The following MAGT1 variants were observed in gnomAD, a reference collection of about 807,000 sequenced individuals.
The protein encoded by MAGT1 is magnesium transporter 1, also known as dolichyl-diphosphooligosaccharide--protein glycosyltransferase subunit MAGT1.
A neutral mutation model predicts 28.4 loss-of-function variants in MAGT1; 4 were observed. The observed-to-expected ratio is 0.14, with a 90% CI of 0.07 to 0.32. The LOEUF is 0.32. Ranked by LOEUF, MAGT1 falls within the 10% of genes least tolerant of loss-of-function variation. MAGT1 has a pLI of 1.00. For synonymous variants in MAGT1, 89 were observed against 89.7 expected, an observed-to-expected ratio of 0.99 and a Z score of 0.04; for missense variants, 193 against 264.5, an observed-to-expected ratio of 0.73 and a Z score of 1.88.
intron 6 of MAGT1, among the ~76,000 whole-genome samples, chrX:77,854,943 G>A (rs1282932670): frequency 1.8e-5 from 2 of 111,929 alleles, no homozygotes; most frequent in African/African-American, 6.5e-5. Flanking sequence ...TTTAGTTGAA[G>A]GCTGTCTTTC....
In MAGT1 at chrX:77,853,814, CA is replaced by C. The variant is rs1305110117; in HGVS notation, c.826+86del. 4 of 760,322 alleles carry C rather than the reference CA, an allele frequency of 5.3e-6. No homozygotes were observed. The African/African-American group carries it at 8.3e-5, about 16-fold the overall frequency. 62.7% of individuals were successfully genotyped at this position (760,322 alleles called of 1,213,427 possible). On this transcript the variant is annotated intron_variant, in intron 7 of 9. Coordinates refer to ENST00000618282, the MANE Select transcript of MAGT1 (RefSeq NM_001367916.1). Reference sequence around the variant, plus strand: ...GATATTGTGACTTGCATTAAGAGAACAGCCCCAGCCAAATGCTGTAGAGAGA... The same window carrying C: ...GATATTGTGACTTGCATTAAGAGAACGCCCCAGCCAAATGCTGTAGAGAGA...
intron 1 of MAGT1, among the ~76,000 whole-genome samples, chrX:77,893,085 G>A (rs2077088275): frequency 8.9e-6 from 1 of 111,980 alleles, no homozygotes; most frequent in Non-Finnish European, 1.9e-5. Flanking sequence ...CCAGGAAGTA[G>A]AGGCTGCAGT....
At chrX:77,831,162 C>T (rs936237331) in intron 8 of MAGT1, among the ~76,000 whole-genome samples, 16 of 110,336 alleles carry the variant, frequency 1.5e-4, no homozygotes, top group Non-Finnish European at 2.5e-4. Flanking sequence ...GGACTACAGG[C>T]GCCCGCCACT....
chrX:77,869,206 A>G (rs978346046), intron 3 of MAGT1, among the ~76,000 whole-genome samples: 2 of 110,044 alleles, frequency 1.8e-5, no homozygotes, highest in African/African-American at 6.6e-5. Context: ...GTAGAGATGG[A>G]GTTTCACCAT....
At chrX:77,880,785 T>G (rs2077049719) in intron 1 of MAGT1, among the ~76,000 whole-genome samples, 1 of 107,372 alleles carries the variant, frequency 9.3e-6, no homozygotes, top group Non-Finnish European at 1.9e-5. Flanking sequence ...TGGCAAAACC[T>G]CATCTCTACT....
chrX:77,846,403 T>A (rs1437781869), intron 7 of MAGT1, among the ~76,000 whole-genome samples: 1 of 112,155 alleles, frequency 8.9e-6, no homozygotes, highest in Non-Finnish European at 1.9e-5. Flanking sequence ...TCGGAGAAGT[T>A]TGATCATCTG....
At chrX:77,856,441 G>GAAA in intron 5 of MAGT1, 1 of 169,090 alleles carries the variant, frequency 5.9e-6, no homozygotes, top group Non-Finnish European at 1.1e-5. Context: ...CCGCCTCAAA[G>GAAA]AAAAAAAAAA....
intron 8 of MAGT1, 85 bp from the exon 9 acceptor site, chrX:77,830,980 ATTTTAT>A (rs2076896757): frequency 3.5e-5 from 1 of 28,978 alleles, no homozygotes; most frequent in African/African-American, 7.1e-5. Context: ...TTTTTATTTT[ATTTTAT>A]TTTATTTTAT....
chrX:77,863,910 G>C (rs2077001562), intron 3 of MAGT1, among the ~76,000 whole-genome samples: 1 of 110,933 alleles, frequency 9.0e-6, no homozygotes, highest in Non-Finnish European at 1.9e-5. Flanking sequence ...TGTAATCCCA[G>C]CTACTCGAGA....
rs1405675331 is a variant in MAGT1, at chrX:77,879,855, T to TC, written c.103-4259_103-4258insG. On this transcript the variant is annotated intron_variant, in intron 1 of 9. Transcript: ENST00000618282. ...TTTGCCTTTTTTTTTTTTTTTTTTT[T>TC]AGACAGAGTCTCACTCTGTCATGCC... Among the ~76,000 whole-genome samples, 11 of 102,066 alleles carry TC rather than the reference T, an allele frequency of 1.1e-4. No individual in the cohort carries two copies. In the East Asian group the frequency reaches 3.4e-3, roughly 32 times the overall value. The allele number at this position is 102,066 out of a possible 115,157, so 88.6% of individuals were successfully genotyped here.
At position 77,826,526 on chromosome X, in the gene MAGT1, C is replaced by G. The variant is rs2076883302; in HGVS notation, c.*2694G>C. On this transcript the variant is annotated 3_prime_UTR_variant, in exon 10 of 10. Coordinates refer to ENST00000618282, the MANE Select transcript of MAGT1 (RefSeq NM_001367916.1). The stretch of plus-strand genomic sequence containing the variant: ...GTAAATGAAGAGTCTACTTAAGGCA[C>G]TTCATATGAAAGCTAATTCAAAATT... The G allele has an allele frequency of 8.9e-6, 1 of 112,532 alleles. No homozygotes were observed. Among genetic ancestry groups the G allele is most frequent in the Non-Finnish European group, 1.9e-5 (1 of 53,264 alleles). The allele number at this position is 112,532 out of a possible 1,213,427, so 9.3% of individuals were successfully genotyped here. A position where few individuals can be genotyped will look rare whatever the true frequency, so the allele number is the denominator to read the frequency against.
At chrX:77,895,540 C>G (rs1557219882), upstream of MAGT1, 1 of 1,106,809 alleles carries the variant, frequency 9.0e-7, no homozygotes, top group Non-Finnish European at 1.2e-6. Flanking sequence ...AGACCCCTCA[C>G]ATTACGTCAC....
intron 2 of MAGT1, among the ~76,000 whole-genome samples, chrX:77,874,939 C>G (rs2077029431): frequency 9.2e-6 from 1 of 109,182 alleles, no homozygotes; most frequent in Non-Finnish European, 1.9e-5. Context: ...ACTGCAACCT[C>G]TGCCTCCCGG....
rs1436321887 is a variant in MAGT1, at chrX:77,826,822, C to T, written c.*2398G>A. The stretch of plus-strand genomic sequence containing the variant: ...GCATAGATTTGGCCTGAGACAAGTA[C>T]AAGAATAGCAGGTAAGGAATTCAGA... On this transcript the variant is annotated 3_prime_UTR_variant, in exon 10 of 10. Coordinates refer to ENST00000618282, the MANE Select transcript of MAGT1 (RefSeq NM_001367916.1). The T allele has an allele frequency of 1.8e-5, 2 of 111,674 alleles. No individual in the cohort carries two copies. Among genetic ancestry groups the T allele is most frequent in the Non-Finnish European group, 3.8e-5 (2 of 53,145 alleles). The allele number at this position is 111,674 out of a possible 1,213,427, so 9.2% of individuals were successfully genotyped here.
chrX:77,835,992 G>A (rs1337329431), intron 8 of MAGT1, among the ~76,000 whole-genome samples: 1 of 110,901 alleles, frequency 9.0e-6, no homozygotes, highest in Non-Finnish European at 1.9e-5. Flanking sequence ...TAGTAGATAC[G>A]GGGTTTTACC....
At chrX:77,832,680 A>C (rs2076901927) in intron 8 of MAGT1, among the ~76,000 whole-genome samples, 1 of 109,749 alleles carries the variant, frequency 9.1e-6, no homozygotes, top group Non-Finnish European at 1.9e-5. Context: ...AACTACAAAA[A>C]AAATTAGCCA....
At chrX:77,849,806 T>C (rs1342631780) in intron 7 of MAGT1, among the ~76,000 whole-genome samples, 1 of 102,888 alleles carries the variant, frequency 9.7e-6, no homozygotes, top group Non-Finnish European at 2.0e-5. Context: ...ACCTGGGAGG[T>C]GGAGGTTGTA....
rs782570442 is a variant in MAGT1 at position 77,857,394 on chromosome X, T to C, written c.494A>G (p.Gln165Arg). The C allele has an allele frequency of 2.5e-6, 3 of 1,210,050 alleles. No individual in the cohort carries two copies. The highest frequency in any genetic ancestry group is 1.7e-5 in the African/African-American group (1 of 57,214). ...TCTGTCGGCGATCCACCGGGCAATC[T>C]GCTCAGCTGAAAAACCCCGCACCTG... is the stretch of plus-strand genomic sequence containing the variant. ...ELQVRGFSAE[Q>R]IARWIADRTD... Residue 165 changes from glutamine to arginine, a missense_variant, in exon 4 of 10, where the codon CAG becomes CGG. Coordinates refer to ENST00000618282, the MANE Select transcript of MAGT1 (RefSeq NM_001367916.1).
At chrX:77,860,574 G>A (rs782131487) in intron 3 of MAGT1, among the ~76,000 whole-genome samples, 1 of 109,810 alleles carries the variant, frequency 9.1e-6, no homozygotes, top group East Asian at 3.0e-4. Context: ...TTGAGGCCAG[G>A]AGTTTGAGAC....
Sources: gnomAD v4.1 joint callset for allele counts (sites outside exome capture counted in the v4.1 genomes callset) on GRCh38, gnomAD v4.1.1 for gene constraint, MANE v1.5 for transcripts, NCBI Gene and HGNC (gene_info 2026-07-23, HGNC 2026-07-21) for gene names.